PLBD1: variants seen among roughly 807,000 people sequenced by gnomAD.
The protein encoded by PLBD1 is phospholipase B domain containing 1, also known as lysosomal leucine aminopeptidase.
PLBD1 carries 60 observed loss-of-function variants against 63.0 expected under a neutral mutation model. That is an observed-to-expected ratio of 0.95 (90% CI 0.77 to 1.18). PLBD1 has a LOEUF of 1.18. PLBD1 is among the 50% of genes most tolerant of loss of function. The pLI, the probability that PLBD1 is intolerant of heterozygous loss-of-function variation, is 0.00. For missense variants in PLBD1, 598 were observed against 677.9 expected (o/e 0.88, Z 1.31); for synonymous variants, 262 against 248.0 (o/e 1.06, Z -0.53).
intron 1 of PLBD1, among the ~76,000 whole-genome samples, chr12:14,556,541 G>A (rs530694682): frequency 4.9e-4 from 74 of 151,650 alleles, no homozygotes; most frequent in African/African-American, 1.5e-3. Context: ...GGCTAATTTT[G>A]TATTTTTAGT....
At position 14,535,832 on chromosome 12, in the gene PLBD1, A is replaced by G. The variant is rs528788655; in HGVS notation, c.700-29T>C. ...CAGCCAGAATCATAGTGGATTACAC[A>G]GATGTACATAGCTAACTGACTGCAA... On this transcript the variant is annotated intron_variant, in intron 5 of 10. Coordinates refer to ENST00000240617, the MANE Select transcript of PLBD1 (RefSeq NM_024829.6). 1.0e-5 allele frequency: 16 copies of G among 1,603,548 alleles called. No individual in the cohort carries two copies. The South Asian group carries it at 1.8e-4, about 18-fold the overall frequency.
At chr12:14,546,889 T>A (rs1309302684) in intron 2 of PLBD1, among the ~76,000 whole-genome samples, 1 of 152,148 alleles carries the variant, frequency 6.6e-6, no homozygotes, top group Non-Finnish European at 1.5e-5. Context: ...TTTTCTTTTT[T>A]CTTTTTTTTC....
chr12:14,527,307 C>G (rs1251346592), intron 6 of PLBD1, among the ~76,000 whole-genome samples: 1 of 152,034 alleles, frequency 6.6e-6, no homozygotes, highest in African/African-American at 2.4e-5. Context: ...TAAAGAACAA[C>G]AGGGTCACCA....
chr12:14,513,253 A>G (rs1455678646), intron 6 of PLBD1, among the ~76,000 whole-genome samples: 2 of 152,232 alleles, frequency 1.3e-5, no homozygotes, highest in Non-Finnish European at 2.9e-5. Flanking sequence ...TACATTGTCA[A>G]TGGCTAAATC....
chr12:14,563,640 AGCACTTACT>A (rs1322210340), intron 1 of PLBD1, among the ~76,000 whole-genome samples: 3 of 152,234 alleles, frequency 2.0e-5, no homozygotes, highest in Non-Finnish European at 4.4e-5. Context: ...TCAATTATAC[AGCACTTACT>A]GCATGTCAGG....
chr12:14,530,823 A>T (rs1404843417), intron 6 of PLBD1, among the ~76,000 whole-genome samples: 1 of 152,154 alleles, frequency 6.6e-6, no homozygotes, highest in Non-Finnish European at 1.5e-5. Flanking sequence ...AAAATAAGTA[A>T]ATGTGTGGGG....
chr12:14,519,881 C>A (rs112123423), intron 6 of PLBD1, among the ~76,000 whole-genome samples: 1 of 152,176 alleles, frequency 6.6e-6, no homozygotes, highest in Non-Finnish European at 1.5e-5. Flanking sequence ...AAAACTAGAG[C>A]CATTCTGGCT....
At chr12:14,562,999 G>GA (rs201263766) in intron 1 of PLBD1, among the ~76,000 whole-genome samples, 42 of 152,076 alleles carry the variant, frequency 2.8e-4, no homozygotes, top group African/African-American at 9.6e-4. Flanking sequence ...AAGCCACCAT[G>GA]AATTTTTTTT....
At chr12:14,537,411 A>G (rs375469831) in intron 4 of PLBD1, among the ~76,000 whole-genome samples, 1 of 152,208 alleles carries the variant, frequency 6.6e-6, no homozygotes, top group East Asian at 1.9e-4. Context: ...ACCAGCAGCA[A>G]CTTCACAGTT....
At chr12:14,546,489 A>G (rs1206240034) in intron 2 of PLBD1, among the ~76,000 whole-genome samples, 1 of 152,160 alleles carries the variant, frequency 6.6e-6, no homozygotes, top group African/African-American at 2.4e-5. Context: ...AGCTCCACCC[A>G]GAGTTCCAGA....
At chr12:14,539,809 C>G (rs1592004218) in intron 4 of PLBD1, among the ~76,000 whole-genome samples, 2 of 150,762 alleles carry the variant, frequency 1.3e-5, no homozygotes. Context: ...TAGAGTCTTA[C>G]TGTATGCATT....
Position 14,553,211 on chromosome 12 carries a change from T to C in PLBD1, c.317A>G (p.Glu106Gly). Reference sequence around the variant, plus strand: ...TACTTACGGGGCAGTGAGGTAACCCTCCAAAAAGCCAGCCACAAACATGAT... The same window carrying C: ...TACTTACGGGGCAGTGAGGTAACCCCCCAAAAAGCCAGCCACAAACATGAT... ...EIIMFVAGFL[E>G]GYLTAPHMND... Residue 106 changes from glutamate (E) to glycine (G), a missense_variant, in exon 2 of 11, where the codon GAG becomes GGG. Physicochemically the swap from Glu to Gly is moderately conservative, Grantham distance 98. Coordinates refer to ENST00000240617, the MANE Select transcript of PLBD1 (RefSeq NM_024829.6). 1 of 1,612,138 alleles carries C rather than the reference T, an allele frequency of 6.2e-7. No individual in the cohort carries two copies. Among genetic ancestry groups the C allele is most frequent in the Non-Finnish European group, 8.5e-7 (1 of 1,179,354 alleles).
chr12:14,506,380 A>G, intron 9 of PLBD1, 112 bp from the exon 10 acceptor site: 2 of 738,592 alleles, frequency 2.7e-6, no homozygotes, highest in Non-Finnish European at 4.5e-6. Flanking sequence ...GTGTACTCCC[A>G]CAGGCCTCCT....
intron 2 of PLBD1, among the ~76,000 whole-genome samples, chr12:14,545,729 T>C (rs1276353674): frequency 6.6e-6 from 1 of 152,212 alleles, no homozygotes; most frequent in Admixed American, 6.5e-5. Context: ...AGAATAGTTT[T>C]ATTGCTGGTG....
intron 5 of PLBD1, 98 bp downstream of exon 5, chr12:14,536,472 G>T: frequency 7.4e-7 from 1 of 1,348,784 alleles, no homozygotes; most frequent in Non-Finnish European, 1.0e-6. Context: ...CTGATATACA[G>T]TTATAGCCAG....
intron 6 of PLBD1, among the ~76,000 whole-genome samples, chr12:14,512,951 G>A (rs1565571296): frequency 6.6e-6 from 1 of 152,236 alleles, no homozygotes. Flanking sequence ...CCAGAACTGT[G>A]AGCAATAACA....
chr12:14,511,161 C>G, intron 8 of PLBD1, 99 bp downstream of exon 8: 1 of 612,996 alleles, frequency 1.6e-6, no homozygotes, highest in Admixed American at 2.8e-5. Flanking sequence ...CCCCACCATA[C>G]CCTCCCCCAC....
chr12:14,536,451 G>T, intron 5 of PLBD1, 119 bp downstream of exon 5: 1 of 1,076,664 alleles, frequency 9.3e-7, no homozygotes, highest in Non-Finnish European at 1.3e-6. Flanking sequence ...TACCATTGAA[G>T]AACTCATGAG....
At chr12:14,558,491 T>C (rs1474936977) in intron 1 of PLBD1, among the ~76,000 whole-genome samples, 1 of 152,044 alleles carries the variant, frequency 6.6e-6, no homozygotes, top group African/African-American at 2.4e-5. Context: ...CACATTCCCT[T>C]CCACCCTCGA....
Sources: allele counts gnomAD v4.1 joint callset (sites outside exome capture counted in the v4.1 genomes callset), GRCh38; gene constraint gnomAD v4.1.1; transcripts MANE v1.5; gene names NCBI Gene and HGNC (gene_info 2026-07-23, HGNC 2026-07-21).